Variants in MKRN2 observed in about 807,000 individuals in gnomAD.
MKRN2 encodes E3 ubiquitin-protein ligase makorin-2.
A neutral mutation model predicts 45.4 loss-of-function variants in MKRN2; 32 were observed. That is an observed-to-expected ratio of 0.70 (90% CI 0.53 to 0.95). The LOEUF (loss-of-function observed/expected upper bound fraction) is 0.95. MKRN2 is among the 40% of genes least tolerant of loss of function. The pLI is 0.00. For missense variants in MKRN2, 526 were observed against 536.7 expected, an observed-to-expected ratio of 0.98 and a Z score of 0.20; for synonymous variants, 206 against 192.4, an observed-to-expected ratio of 1.07 and a Z score of -0.59.
At chr3:12,579,436 G>A (rs1270361589) in intron 6 of MKRN2, among the ~76,000 whole-genome samples, 1 of 152,190 alleles carries the variant, frequency 6.6e-6, no homozygotes, top group Non-Finnish European at 1.5e-5. Flanking sequence ...CAAAGTGCTA[G>A]GATTATAGGT....
At position 12,572,299 on chromosome 3, in the gene MKRN2, G is replaced by T; in HGVS notation, c.568G>T (p.Gly190Trp). The T allele has an allele frequency of 6.2e-7, 1 of 1,612,950 alleles. No individual in the cohort carries two copies. Among genetic ancestry groups the T allele is most frequent in the Non-Finnish European group, 8.5e-7 (1 of 1,179,038 alleles). The change falls in exon 4 of 8, where the codon GGG becomes TGG. Residue 190 changes from glycine to tryptophan, a missense_variant. Gly to Trp is a radical substitution (Grantham distance 184, BLOSUM62 -2). Transcript: ENST00000170447. ...TGGGGATGCCTGTGTCTACCTGCAC[G>T]GGGAGGTGTGTGAAATCTGTAGGCT... ...RFGDACVYLH[G>W]EVCEICRLQV...
chr3:12,565,202 T>G (rs2125301559), intron 1 of MKRN2, among the ~76,000 whole-genome samples: 1 of 152,234 alleles, frequency 6.6e-6, no homozygotes, highest in East Asian at 1.9e-4. Flanking sequence ...ACTGTCAAAC[T>G]GTCTTCCAAA....
At chr3:12,558,911 A>T (rs1482481424) in intron 1 of MKRN2, among the ~76,000 whole-genome samples, 1 of 152,218 alleles carries the variant, frequency 6.6e-6, no homozygotes, top group Non-Finnish European at 1.5e-5. Context: ...TCTTCCACAG[A>T]TCGTAAAACT....
chr3:12,580,437 C>A (rs1305116403), intron 6 of MKRN2, among the ~76,000 whole-genome samples: 1 of 146,210 alleles, frequency 6.8e-6, no homozygotes, highest in Non-Finnish European at 1.5e-5. Flanking sequence ...TGTTCTCTCT[C>A]CCCCCACCCT....
chr3:12,562,193 T>A (rs1186781431), intron 1 of MKRN2, among the ~76,000 whole-genome samples: 4 of 152,194 alleles, frequency 2.6e-5, no homozygotes, highest in Non-Finnish European at 4.4e-5. Flanking sequence ...CTGCCTAGCA[T>A]GAACCAAAAT....
At chr3:12,570,662 A>C (rs2596817) in intron 3 of MKRN2, among the ~76,000 whole-genome samples, 54,618 of 151,696 alleles carry the variant, frequency 0.36, 10,509 homozygotes, top group African/African-American at 0.48. Flanking sequence ...GGATCACCTG[A>C]GGTCAGGAGT....
intron 1 of MKRN2, among the ~76,000 whole-genome samples, chr3:12,562,253 A>G (rs935716251): frequency 2.0e-5 from 3 of 152,154 alleles, no homozygotes; most frequent in African/African-American, 7.2e-5. Flanking sequence ...TACATTGTAC[A>G]TCAGTTTAGA....
At chr3:12,578,773 C>T (rs993104619) in intron 6 of MKRN2, among the ~76,000 whole-genome samples, 6 of 151,080 alleles carry the variant, frequency 4.0e-5, no homozygotes, top group South Asian at 4.2e-4. Context: ...GTATGGCAGG[C>T]GTTTACTTGT....
In MKRN2 at chr3:12,572,275, G is replaced by T; in HGVS notation, c.544G>T (p.Gly182Trp). 6.2e-7 allele frequency: 1 copy of T among 1,614,058 alleles called. No individual in the cohort carries two copies. The change falls in exon 4 of 8, where the codon GGG becomes TGG. Residue 182 changes from glycine (G) to tryptophan (W), a missense_variant. By Grantham distance (184) the Gly-to-Trp change is radical. Coordinates refer to ENST00000170447, the MANE Select transcript of MKRN2 (RefSeq NM_014160.5). ...PYAAAGECRF[G>W]DACVYLHGEV... ...CGCAGCTGCTGGGGAGTGCCGGTTT[G>T]GGGATGCCTGTGTCTACCTGCACGG...
At chr3:12,575,999 G>T (rs1328990122) in intron 5 of MKRN2, among the ~76,000 whole-genome samples, 1 of 152,140 alleles carries the variant, frequency 6.6e-6, no homozygotes, top group Non-Finnish European at 1.5e-5. Flanking sequence ...CACAGCATGT[G>T]GGCATGTGTT....
At chr3:12,569,935 G>T (rs2058088762) in intron 2 of MKRN2, 136 bp from the exon 3 acceptor site, 1 of 777,808 alleles carries the variant, frequency 1.3e-6, no homozygotes, top group Non-Finnish European at 2.0e-6. Flanking sequence ...TCCTGTTAGA[G>T]TTTAAATATT....
chr3:12,559,427 G>A (rs1329372485), intron 1 of MKRN2, among the ~76,000 whole-genome samples: 1 of 152,000 alleles, frequency 6.6e-6, no homozygotes, highest in Admixed American at 6.6e-5. Flanking sequence ...TTTTTTGTGG[G>A]TTTTGTTTGT....
At chr3:12,568,784 G>A in intron 1 of MKRN2, 91 bp from the exon 2 acceptor site, 1 of 1,512,054 alleles carries the variant, frequency 6.6e-7, no homozygotes, top group South Asian at 1.3e-5. Context: ...TATATGCCTG[G>A]TAAATGTTTG....
chr3:12,565,690 C>T (rs540770972), intron 1 of MKRN2, among the ~76,000 whole-genome samples: 3 of 151,990 alleles, frequency 2.0e-5, no homozygotes, highest in South Asian at 2.1e-4. Context: ...TGCACGCTAC[C>T]GTGCCTGGCT....
intron 4 of MKRN2, 60 bp from the exon 5 acceptor site, chr3:12,574,732 G>C: frequency 6.8e-7 from 1 of 1,468,630 alleles, no homozygotes. Flanking sequence ...GCTACTCCTA[G>C]GGCTCCTGCC....
At chr3:12,567,785 C>T (rs1037261487) in intron 1 of MKRN2, among the ~76,000 whole-genome samples, 5 of 152,038 alleles carry the variant, frequency 3.3e-5, no homozygotes, top group Non-Finnish European at 5.9e-5. Context: ...GCCACCACAC[C>T]CAGCCTAGTT....
At chr3:12,568,470 C>T (rs949541527) in intron 1 of MKRN2, among the ~76,000 whole-genome samples, 5 of 152,196 alleles carry the variant, frequency 3.3e-5, no homozygotes, top group African/African-American at 1.2e-4. Context: ...GGTTTTGTGA[C>T]ATGTTCTTAA....
At chr3:12,581,712 C>T (rs899646794) in intron 6 of MKRN2, 96 bp from the exon 7 acceptor site, 2 of 1,390,166 alleles carry the variant, frequency 1.4e-6, no homozygotes, top group Admixed American at 1.9e-5. Flanking sequence ...TGACCTACCT[C>T]TGGCGTAAGG....
chr3:12,563,483 C>CTTT (rs769910086), intron 1 of MKRN2, among the ~76,000 whole-genome samples: 19 of 101,362 alleles, frequency 1.9e-4, no homozygotes, highest in South Asian at 3.3e-4. Flanking sequence ...TTGTCTAGTT[C>CTTT]TTTTTTTTTT....
Sources: gnomAD v4.1 joint callset for allele counts (sites outside exome capture counted in the v4.1 genomes callset) on GRCh38, gnomAD v4.1.1 for gene constraint, MANE v1.5 for transcripts, NCBI Gene and HGNC (gene_info 2026-07-23, HGNC 2026-07-21) for gene names.